The following PIGU variants were observed in gnomAD, a reference collection of about 807,000 sequenced individuals.
PIGU encodes the protein GPI-anchor transamidase component PIGU.
Under a neutral mutation model 49.9 loss-of-function variants are expected in PIGU, and 24 were observed. That is an observed-to-expected ratio of 0.48 (90% confidence interval 0.35 to 0.68). The LOEUF (loss-of-function observed/expected upper bound fraction) is 0.68, where lower values mean the gene tolerates loss of function less well. PIGU is among the 30% of genes least tolerant of loss of function. The pLI is 0.01. For synonymous variants in PIGU, 220 were observed against 205.7 expected, an observed-to-expected ratio of 1.07 and a Z score of -0.59; for missense variants, 490 against 532.6, an observed-to-expected ratio of 0.92 and a Z score of 0.79.
chr20:34,640,476 A>G (rs1162191958), intron 4 of PIGU, among the ~76,000 whole-genome samples: 1 of 149,150 alleles, frequency 6.7e-6, no homozygotes, highest in Admixed American at 6.8e-5. Context: ...AATTTTTAAA[A>G]TTATACACAC....
chr20:34,644,174 T>C lies in PIGU; in HGVS notation c.308A>G (p.Asn103Ser), dbSNP rs146928506. 372 of 1,609,368 alleles carry C rather than the reference T, an allele frequency of 2.3e-4. 1 individual carries two copies. In the African/African-American group the frequency reaches 4.1e-3, roughly 18 times the overall value. Residue 103 changes from asparagine to serine, a missense_variant, in exon 4 of 12, where the codon AAT becomes AGT. Coordinates refer to ENST00000217446, the MANE Select transcript of PIGU (RefSeq NM_080476.5). ...IALYFAIQDF[N>S]KVVFKKQKLL... ...CCACAAACTACTTACCACAACTTTA[T>C]TGAAGTCCTGGATTGCAAAATACAG...
At chr20:34,563,768 C>T (rs2146688028) in intron 11 of PIGU, among the ~76,000 whole-genome samples, 1 of 152,226 alleles carries the variant, frequency 6.6e-6, no homozygotes, top group East Asian at 1.9e-4. Context: ...CTCACTTCCT[C>T]CTGAGGAGCA....
Position 34,575,198 on chromosome 20 carries a change from A to G in PIGU, c.1100T>C (p.Leu367Pro), listed in dbSNP as rs772382743. The G allele has an allele frequency of 3.1e-6, 5 of 1,614,168 alleles. No homozygotes were observed. The East Asian group carries it at 8.9e-5, about 29-fold the overall frequency. Residue 367 changes from leucine to proline, a missense_variant, in exon 11 of 12, where the codon CTG becomes CCG. By Grantham distance (98) the Leu-to-Pro change is moderately conservative. Transcript: ENST00000217446. ...GAGGTGCCACAGGACAGGGAAGAGC[A>G]GGGAACAGACGATGATGATGCAGGT... is the stretch of plus-strand genomic sequence containing the variant. ...VLTCIIIVCS[L>P]LFPVLWHLWI...
At chr20:34,671,536 AC>A (rs1987306110) in intron 1 of PIGU, among the ~76,000 whole-genome samples, 1 of 152,056 alleles carries the variant, frequency 6.6e-6, no homozygotes, top group Non-Finnish European at 1.5e-5. Context: ...TGCTGGGATT[AC>A]AGGCGTTAGC....
rs1982463160 is a variant in PIGU, at chr20:34,560,839, G to A, written c.*27C>T. ...GCTTCTGGCCCCACAGCCCCCTGAG[G>A]TCCATGCAGCCCTGTGCCAGCCAGG... On this transcript the variant is annotated 3_prime_UTR_variant, in exon 12 of 12. Coordinates refer to ENST00000217446, the MANE Select transcript of PIGU (RefSeq NM_080476.5). The A allele has an allele frequency of 1.3e-6, 2 of 1,511,830 alleles. No individual in the cohort carries two copies. The highest frequency in any genetic ancestry group is 2.3e-5 in the East Asian group (1 of 42,610). 93.7% of individuals were successfully genotyped at this position (1,511,830 alleles called of 1,614,324 possible).
intron 5 of PIGU, 48 bp from the exon 6 acceptor site, chr20:34,634,763 C>T: frequency 6.3e-7 from 1 of 1,592,832 alleles, no homozygotes; most frequent in Non-Finnish European, 8.6e-7. Context: ...GACCAAGGAG[C>T]CCTCGCCATT....
At chr20:34,653,625 T>C (rs1986612575) in intron 2 of PIGU, among the ~76,000 whole-genome samples, 1 of 152,152 alleles carries the variant, frequency 6.6e-6, no homozygotes, top group Non-Finnish European at 1.5e-5. Flanking sequence ...TGGCACTTAG[T>C]GAATATTTAA....
At chr20:34,634,489 T>C in intron 6 of PIGU, 126 bp downstream of exon 6, 1 of 1,346,418 alleles carries the variant, frequency 7.4e-7, no homozygotes. Context: ...GTATTACTTG[T>C]GTAATTTTTA....
intron 4 of PIGU, among the ~76,000 whole-genome samples, chr20:34,641,912 A>G (rs1986175646): frequency 6.6e-6 from 1 of 152,196 alleles, no homozygotes; most frequent in Admixed American, 6.5e-5. Context: ...CTGAACTCTA[A>G]AAGTGGAAAA....
chr20:34,603,410 C>T (rs965933562), intron 7 of PIGU, among the ~76,000 whole-genome samples: 1 of 152,162 alleles, frequency 6.6e-6, no homozygotes, highest in Non-Finnish European at 1.5e-5. Context: ...ACAGGAAAGG[C>T]AGGACAAATA....
chr20:34,634,810 A>C, intron 5 of PIGU, 95 bp from the exon 6 acceptor site: 2 of 1,504,578 alleles, frequency 1.3e-6, no homozygotes, highest in Non-Finnish European at 1.8e-6. Context: ...TTAAAAGCTT[A>C]CGCAAAGGAA....
intron 7 of PIGU, among the ~76,000 whole-genome samples, chr20:34,613,449 A>G (rs552970341): frequency 2.0e-5 from 3 of 152,198 alleles, no homozygotes; most frequent in African/African-American, 7.2e-5. Context: ...GTTTTAAACA[A>G]AAGTTGTTTT....
intron 1 of PIGU, among the ~76,000 whole-genome samples, chr20:34,665,192 ATTTTTTTTTTTT>A (rs1171497892): frequency 6.4e-4 from 38 of 59,616 alleles, no homozygotes; most frequent in African/African-American, 2.6e-3. Flanking sequence ...TGTATGGCCA[ATTTTTTTTTTTT>A]TTTTTTTTTT....
At chr20:34,617,436 T>C (rs189457115) in intron 6 of PIGU, among the ~76,000 whole-genome samples, 18 of 152,312 alleles carry the variant, frequency 1.2e-4, no homozygotes, top group African/African-American at 4.3e-4. Context: ...TCAAAGAAGA[T>C]CATTTTGGAA....
At chr20:34,610,394 A>G (rs944181850) in intron 7 of PIGU, among the ~76,000 whole-genome samples, 4 of 152,220 alleles carry the variant, frequency 2.6e-5, no homozygotes, top group Admixed American at 2.0e-4. Context: ...AATCACAAGC[A>G]TTCCTATATA....
chr20:34,600,579 G>GA (rs201023300), intron 7 of PIGU, among the ~76,000 whole-genome samples: 3,262 of 148,942 alleles, frequency 0.022, 58 homozygotes, highest in Middle Eastern at 0.038. Flanking sequence ...AAGGGAGGAA[G>GA]AAAAAAAAGA....
chr20:34,581,347 G>C (rs1183803949), intron 10 of PIGU, among the ~76,000 whole-genome samples: 2 of 152,344 alleles, frequency 1.3e-5, no homozygotes, highest in East Asian at 1.9e-4. Context: ...TACACAGTAA[G>C]TGCTCAATAA....
chr20:34,575,646 G>A (rs1308709606), intron 10 of PIGU, among the ~76,000 whole-genome samples: 1 of 152,064 alleles, frequency 6.6e-6, no homozygotes, highest in Non-Finnish European at 1.5e-5. Flanking sequence ...ATTATGGGTG[G>A]GAACCCCAGC....
chr20:34,639,579 G>A (rs1366665009), intron 4 of PIGU, among the ~76,000 whole-genome samples: 12 of 151,744 alleles, frequency 7.9e-5, no homozygotes, highest in Admixed American at 2.6e-4. Context: ...TTTTCAGCCC[G>A]AAAATAGGTT....
Sources: allele counts gnomAD v4.1 joint callset (sites outside exome capture counted in the v4.1 genomes callset), GRCh38; gene constraint gnomAD v4.1.1; transcripts MANE v1.5; gene names NCBI Gene and HGNC (gene_info 2026-07-23, HGNC 2026-07-21).